Variants in PITPNM3 observed in about 807,000 individuals in gnomAD.
PITPNM3 encodes PITPNM family member 3.
PITPNM3 carries 26 observed loss-of-function variants against 102.0 expected under a neutral mutation model. That is an observed-to-expected ratio of 0.25 (90% CI 0.19 to 0.35). The LOEUF (loss-of-function observed/expected upper bound fraction) is 0.35, where lower values mean the gene tolerates loss of function less well. PITPNM3 is among the 10% of genes least tolerant of loss of function. PITPNM3 has a pLI of 1.00. For missense variants in PITPNM3, 1,083 were observed against 1,346.1 expected (o/e 0.80, Z 3.06); for synonymous variants, 578 against 558.6 (o/e 1.03, Z -0.49).
At chr17:6,543,100 G>A (rs1909815115) in intron 1 of PITPNM3, among the ~76,000 whole-genome samples, 1 of 152,168 alleles carries the variant, frequency 6.6e-6, no homozygotes, top group Admixed American at 6.5e-5. Context: ...GCAATTTAGA[G>A]AGAAACAAAT....
chr17:6,525,514 A>G (rs771995363), intron 2 of PITPNM3, 51 bp from the exon 3 acceptor site: 6 of 1,369,678 alleles, frequency 4.4e-6, no homozygotes, highest in Non-Finnish European at 6.3e-6. Flanking sequence ...AGGGATAGGT[A>G]GCCCTATCAG....
chr17:6,469,212 A>G lies in PITPNM3; in HGVS notation c.1774-871T>C, dbSNP rs946600060. The stretch of plus-strand genomic sequence containing the variant: ...CCGTCCAAGCTCTGATGACACCCAC[A>G]TTTTTATCTGGAATCCTGATGTCTT... On this transcript the variant is annotated intron_variant, in intron 13 of 19. Coordinates refer to ENST00000262483, the MANE Select transcript of PITPNM3 (RefSeq NM_031220.4). This position sits in a 1 kb window ranked among gnomAD's most constrained non-coding sequence, Gnocchi z 4.0. Among the ~76,000 whole-genome samples, 14 of 151,980 alleles carry G rather than the reference A, an allele frequency of 9.2e-5. No homozygotes were observed. Among genetic ancestry groups the G allele is most frequent in the African/African-American group, 3.1e-4 (13 of 41,448 alleles).
intron 19 of PITPNM3, among the ~76,000 whole-genome samples, chr17:6,456,797 C>T (rs1245360663): frequency 6.6e-6 from 1 of 152,170 alleles, no homozygotes; most frequent in Non-Finnish European, 1.5e-5. Context: ...TACGTGGTCA[C>T]CCAAGCCACA....
rs1052106241 is a variant in PITPNM3, at chr17:6,470,268, G to A, written c.1765C>T (p.Leu589=). The A allele has an allele frequency of 6.2e-7, 1 of 1,607,670 alleles. No homozygotes were observed. Among genetic ancestry groups the A allele is most frequent in the African/African-American group, 1.3e-5 (1 of 74,900 alleles). The change falls in exon 13 of 20, where the codon CTG becomes TTG. Residue 589 remains leucine, a synonymous_variant. Coordinates refer to ENST00000262483, the MANE Select transcript of PITPNM3 (RefSeq NM_031220.4). This position sits in a 1 kb window ranked among gnomAD's most constrained non-coding sequence, Gnocchi z 4.8. ...GACTGCGGCAGCAGTACCTGTCTCA[G>A]GATGAAGGCCACCACGTCTGTGGAC... ...WESTDVVAFI[L]RQVMRYESVN... is the part of the protein sequence containing the mutation.
At chr17:6,505,426 G>A (rs888637771) in intron 3 of PITPNM3, among the ~76,000 whole-genome samples, 28 of 152,076 alleles carry the variant, frequency 1.8e-4, no homozygotes, top group African/African-American at 9.7e-5. Context: ...CCTAGGGGCC[G>A]TGACAAAGCC....
At position 6,478,201 on chromosome 17, in the gene PITPNM3, G is replaced by A. The variant is rs200347243; in HGVS notation, c.778-104C>T. Reference sequence around the variant, plus strand: ...CTCCCCACAGGAGAATGAGAAACTCGTCCTTGGGAGGTGTTGAGAGAGCCC... The same window carrying A: ...CTCCCCACAGGAGAATGAGAAACTCATCCTTGGGAGGTGTTGAGAGAGCCC... On this transcript the variant is annotated intron_variant, in intron 7 of 19. Transcript: ENST00000262483. This position sits in a 1 kb window ranked among gnomAD's most constrained non-coding sequence, Gnocchi z 4.4. The A allele has an allele frequency of 2.7e-5, 42 of 1,560,818 alleles. No homozygotes were observed. The East Asian group carries it at 4.8e-4, about 18-fold the overall frequency.
rs570956885 is a variant in PITPNM3 at position 6,476,830 on chromosome 17, G to C, written c.1085+199C>G. Among the ~76,000 whole-genome samples the C allele has an allele frequency of 1.2e-4, 19 of 152,330 alleles. 1 individual carries two copies. The South Asian group carries it at 3.3e-3, about 27-fold the overall frequency. The stretch of plus-strand genomic sequence containing the variant: ...GAGCAGGGCAGGGACAGGGAACCAG[G>C]TTCCAGAGTCTCAGTACAGGGCTGC... On this transcript the variant is annotated intron_variant, in intron 9 of 19. Transcript: ENST00000262483.
rs2150737491 is a variant in PITPNM3, at chr17:6,483,639, G to A, written c.465C>T (p.His155=). Residue 155 remains histidine, a synonymous_variant, in exon 6 of 20, where the codon CAC becomes CAT. Coordinates refer to ENST00000262483, the MANE Select transcript of PITPNM3 (RefSeq NM_031220.4). The part of the protein sequence containing the change: ...GDPSCKAADI[H]TFSSVLEKVT... ...CCTTCTCCAGCACGGAGCTGAAGGTGTGGATGTCGGCTGCCTTGCAGGACG... is the reference window on the plus strand; with the variant it reads ...CCTTCTCCAGCACGGAGCTGAAGGTATGGATGTCGGCTGCCTTGCAGGACG... 1.9e-6 allele frequency: 3 copies of A among 1,614,152 alleles called. No homozygotes were observed. The Admixed American group carries it at 5.0e-5, about 27-fold the overall frequency.
At position 6,451,875 on chromosome 17, in the gene PITPNM3, C is replaced by CT. The variant is rs879350049; in HGVS notation, c.*3462_*3463insA. On this transcript the variant is annotated 3_prime_UTR_variant, in exon 20 of 20. Transcript: ENST00000262483. ...TTTCCAGGGCACTTGGCACCCAAAC[C>CT]CCCCCCCCCCGCCCGCCGATGGGAT... The CT allele has an allele frequency of 9.8e-5, 2 of 20,474 alleles. No homozygotes were observed. The highest frequency in any genetic ancestry group is 1.0e-4 in the Non-Finnish European group (1 of 10,032). The allele number at this position is 20,474 out of a possible 1,614,324, so 1.3% of individuals were successfully genotyped here.
rs765908971 is a variant in PITPNM3 at position 6,464,778 on chromosome 17, G to A, written c.1891-7C>T. ...GGTGATTAGCCGTGACATTCTGGAA[G>A]GACAGAAAGAAGCTGGCTCAGCCCT... On this transcript the variant is annotated splice_region_variant and splice_polypyrimidine_tract_variant and intron_variant, in intron 14 of 19. Coordinates refer to ENST00000262483, the MANE Select transcript of PITPNM3 (RefSeq NM_031220.4). 1 of 1,613,964 alleles carries A rather than the reference G, an allele frequency of 6.2e-7. No homozygotes were observed. Among genetic ancestry groups the A allele is most frequent in the Non-Finnish European group, 8.5e-7 (1 of 1,179,878 alleles).
intron 1 of PITPNM3, among the ~76,000 whole-genome samples, chr17:6,554,193 A>T (rs1452255474): frequency 6.6e-6 from 1 of 151,774 alleles, no homozygotes; most frequent in African/African-American, 2.4e-5. Flanking sequence ...GGTGGTATGT[A>T]TCTGTAGTCC....
Position 6,454,336 on chromosome 17 carries a change from A to C in PITPNM3, c.*1002T>G, listed in dbSNP as rs1913987903. 1 of 151,902 alleles carries C rather than the reference A, an allele frequency of 6.6e-6. No individual in the cohort carries two copies. The highest frequency in any genetic ancestry group is 1.5e-5 in the Non-Finnish European group (1 of 67,972). 9.4% of individuals were successfully genotyped at this position (151,902 alleles called of 1,614,324 possible). A position where few individuals can be genotyped will look rare whatever the true frequency, so the allele number is the denominator to read the frequency against. On this transcript the variant is annotated 3_prime_UTR_variant, in exon 20 of 20. Coordinates refer to ENST00000262483, the MANE Select transcript of PITPNM3 (RefSeq NM_031220.4). ...GTAGGGATCCCTTCCCAGCCCACCC[A>C]GAGAGGCTCCTTTAAGAGCCCCTCC...
intron 3 of PITPNM3, among the ~76,000 whole-genome samples, chr17:6,519,883 G>GA (rs900324686): frequency 1.4e-4 from 21 of 151,914 alleles, no homozygotes; most frequent in African/African-American, 4.1e-4. Context: ...GCTGTAACTA[G>GA]AAAAAACCCA....
chr17:6,525,510 A>T, intron 2 of PITPNM3, 47 bp from the exon 3 acceptor site: 1 of 1,420,316 alleles, frequency 7.0e-7, no homozygotes, highest in Non-Finnish European at 1.0e-6. Context: ...AGCTAGGGAT[A>T]GGTAGCCCTA....
chr17:6,507,004 A>C (rs1907560316), intron 3 of PITPNM3, among the ~76,000 whole-genome samples: 1 of 152,238 alleles, frequency 6.6e-6, no homozygotes, highest in African/African-American at 2.4e-5. Context: ...TGGCACTGCC[A>C]GCCCAGGGTG....
chr17:6,543,553 T>C (rs570248540), intron 1 of PITPNM3, among the ~76,000 whole-genome samples: 2 of 152,336 alleles, frequency 1.3e-5, no homozygotes, highest in South Asian at 4.1e-4. Flanking sequence ...AACAAAGGTA[T>C]TGGCCGATGC....
At chr17:6,521,608 T>G (rs1191362590) in intron 3 of PITPNM3, among the ~76,000 whole-genome samples, 1 of 151,496 alleles carries the variant, frequency 6.6e-6, no homozygotes, top group Non-Finnish European at 1.5e-5. Context: ...GAAGGATCCC[T>G]TTCCATTAAA....
rs1464375278 is a variant in PITPNM3 at position 6,537,137 on chromosome 17, C to T, written c.118+850G>A. Among the ~76,000 whole-genome samples the T allele has an allele frequency of 6.6e-6, 1 of 152,134 alleles. No individual in the cohort carries two copies. Among genetic ancestry groups the T allele is most frequent in the African/African-American group, 2.4e-5 (1 of 41,422 alleles). The stretch of plus-strand genomic sequence containing the variant: ...CTCCTTCCTATGTCTCATGGGTTGG[C>T]CGGGAAGAGATGCAGAGGTCATTTC... On this transcript the variant is annotated intron_variant, in intron 2 of 19. Coordinates refer to ENST00000262483, the MANE Select transcript of PITPNM3 (RefSeq NM_031220.4). The surrounding 1 kb of genome is among the most constrained non-coding windows in gnomAD (Gnocchi z 4.4).
At chr17:6,519,562 G>A (rs1441590418) in intron 3 of PITPNM3, among the ~76,000 whole-genome samples, 1 of 151,526 alleles carries the variant, frequency 6.6e-6, no homozygotes. Flanking sequence ...GGATGCAGTG[G>A]CTCACACCTG....
Sources: allele counts gnomAD v4.1 joint callset (sites outside exome capture counted in the v4.1 genomes callset), GRCh38; gene constraint gnomAD v4.1.1; non-coding constraint Gnocchi (gnomAD v3.1); transcripts MANE v1.5; gene names NCBI Gene and HGNC (gene_info 2026-07-23, HGNC 2026-07-21).